Variants in EPHX4 observed in about 807,000 individuals in gnomAD.
EPHX4 encodes epoxide hydrolase 4, also known as abhydrolase domain containing 7.
Under a neutral mutation model 44.9 loss-of-function variants are expected in EPHX4, and 31 were observed. The observed-to-expected ratio is 0.69, with a 90% confidence interval of 0.52 to 0.93. The LOEUF (loss-of-function observed/expected upper bound fraction) is 0.93. Among genes scored for constraint, EPHX4 ranks in the 40% least tolerant of loss-of-function variants. EPHX4 has a pLI of 0.00. For synonymous variants in EPHX4, 151 were observed against 159.7 expected, an observed-to-expected ratio of 0.95 and a Z score of 0.41; for missense variants, 373 against 438.1, an observed-to-expected ratio of 0.85 and a Z score of 1.33.
chr1:92,031,478 C>T (rs1054669049), intron 1 of EPHX4, among the ~76,000 whole-genome samples: 1 of 152,178 alleles, frequency 6.6e-6, no homozygotes, highest in Non-Finnish European at 1.5e-5. Context: ...AGAGCTTCCC[C>T]AGAGACAGAG....
chr1:92,057,360 A>G (rs1647391128), intron 6 of EPHX4, among the ~76,000 whole-genome samples: 1 of 152,170 alleles, frequency 6.6e-6, no homozygotes, highest in Admixed American at 6.5e-5. Flanking sequence ...AAAAAAAATA[A>G]CTATTAATAC....
At chr1:92,040,433 C>A (rs927618241) in intron 2 of EPHX4, among the ~76,000 whole-genome samples, 1 of 151,616 alleles carries the variant, frequency 6.6e-6, no homozygotes, top group African/African-American at 2.4e-5. Context: ...CAACCTCCGC[C>A]GCTTGCCTCA....
intron 4 of EPHX4, among the ~76,000 whole-genome samples, chr1:92,049,194 A>G (rs993671987): frequency 5.3e-5 from 8 of 152,104 alleles, no homozygotes; most frequent in Non-Finnish European, 1.5e-5. Flanking sequence ...ATACACCAGC[A>G]ACAAAGGCCT....
rs2101871328 is a variant in EPHX4 at position 92,046,732 on chromosome 1, G to A, written c.604+1072G>A. Among the ~76,000 whole-genome samples, 4 of 152,318 alleles carry A rather than the reference G, an allele frequency of 2.6e-5. 1 individual carries two copies. The highest frequency in any genetic ancestry group is 9.6e-5 in the African/African-American group (4 of 41,570). On this transcript the variant is annotated intron_variant, in intron 4 of 6. Transcript: ENST00000370383. The stretch of plus-strand genomic sequence containing the variant: ...CCGCCTCAGCCTCCTAAAGTGCTGG[G>A]ATTACAGGCGTGAGCCACCGCGCCC...
intron 6 of EPHX4, among the ~76,000 whole-genome samples, chr1:92,057,898 G>A (rs75262364): frequency 0.042 from 6,444 of 152,038 alleles, 167 homozygotes; most frequent in African/African-American, 0.071. Flanking sequence ...ACCGGCACCC[G>A]GCCTACAGGT....
chr1:92,039,720 C>G (rs1688484000), intron 2 of EPHX4, among the ~76,000 whole-genome samples: 1 of 152,140 alleles, frequency 6.6e-6, no homozygotes. Flanking sequence ...GTGACTCGAT[C>G]TCGGCTCACT....
At chr1:92,045,890 G>C (rs1688574658) in intron 4 of EPHX4, among the ~76,000 whole-genome samples, 1 of 152,106 alleles carries the variant, frequency 6.6e-6, no homozygotes, top group South Asian at 2.1e-4. Flanking sequence ...TTCAAAAAAA[G>C]ATTTTACTGT....
At chr1:92,057,304 A>G (rs1218422508) in intron 6 of EPHX4, among the ~76,000 whole-genome samples, 1 of 152,156 alleles carries the variant, frequency 6.6e-6, no homozygotes, top group Non-Finnish European at 1.5e-5. Context: ...ATGGTTAAGA[A>G]AAAACAGAAG....
At chr1:92,038,777 A>T (rs1170294633) in intron 2 of EPHX4, among the ~76,000 whole-genome samples, 1 of 152,216 alleles carries the variant, frequency 6.6e-6, no homozygotes, top group African/African-American at 2.4e-5. Flanking sequence ...AGGAAACCAT[A>T]TGAAGAAAGT....
At chr1:92,036,462 T>C (rs1571421) in intron 2 of EPHX4, among the ~76,000 whole-genome samples, 77,648 of 151,990 alleles carry the variant, frequency 0.51, 20,373 homozygotes, top group African/African-American at 0.65. Flanking sequence ...GGTCCCTGGA[T>C]ATCATTCCCA....
At chr1:92,052,215 G>C (rs1234555588) in intron 5 of EPHX4, among the ~76,000 whole-genome samples, 1 of 152,140 alleles carries the variant, frequency 6.6e-6, no homozygotes, top group African/African-American at 2.4e-5. Flanking sequence ...ATTTATCCAA[G>C]GAACTCTTGA....
chr1:92,063,454 A>G lies in EPHX4; in HGVS notation c.*168A>G, dbSNP rs890193584. Reference sequence around the variant, plus strand: ...GAAAAAAATCTGAGATCATGTGAACATATAATACAATGTTGATTTTCTTCT... The same window carrying G: ...GAAAAAAATCTGAGATCATGTGAACGTATAATACAATGTTGATTTTCTTCT... On this transcript the variant is annotated 3_prime_UTR_variant, in exon 7 of 7. Transcript: ENST00000370383. 4.1e-5 allele frequency: 22 copies of G among 531,934 alleles called. No individual in the cohort carries two copies. The highest frequency in any genetic ancestry group is 6.8e-5 in the Non-Finnish European group (21 of 306,690). 33.0% of individuals were successfully genotyped at this position (531,934 alleles called of 1,614,324 possible). A position where few individuals can be genotyped will look rare whatever the true frequency, so the allele number is the denominator to read the frequency against.
intron 2 of EPHX4, among the ~76,000 whole-genome samples, chr1:92,034,791 A>G (rs1442037472): frequency 1.3e-5 from 2 of 151,794 alleles, no homozygotes; most frequent in Admixed American, 6.6e-5. Flanking sequence ...ACAAGTGCGC[A>G]CCACACCCAG....
intron 2 of EPHX4, among the ~76,000 whole-genome samples, chr1:92,036,996 A>G (rs1688447112): frequency 6.6e-6 from 1 of 152,246 alleles, no homozygotes; most frequent in African/African-American, 2.4e-5. Flanking sequence ...ATTTAGGACA[A>G]AACTCTAGGG....
chr1:92,040,321 A>G (rs1004942215), intron 2 of EPHX4, among the ~76,000 whole-genome samples: 1 of 150,004 alleles, frequency 6.7e-6, no homozygotes, highest in Admixed American at 6.7e-5. Context: ...GACCACAGGC[A>G]CACGACACCA....
chr1:92,035,137 G>A (rs1220081401), intron 2 of EPHX4, among the ~76,000 whole-genome samples: 1 of 152,060 alleles, frequency 6.6e-6, no homozygotes, highest in East Asian at 1.9e-4. Flanking sequence ...TCCCCTTCTG[G>A]ATTTATGTGC....
At chr1:92,045,441 G>T in intron 3 of EPHX4, 91 bp from the exon 4 acceptor site, 2 of 1,463,558 alleles carry the variant, frequency 1.4e-6, no homozygotes, top group Non-Finnish European at 1.9e-6. Context: ...AATGAAAAGA[G>T]GTACTTCAGA....
At chr1:92,039,202 G>A (rs964615251) in intron 2 of EPHX4, among the ~76,000 whole-genome samples, 1 of 152,066 alleles carries the variant, frequency 6.6e-6, no homozygotes, top group African/African-American at 2.4e-5. Context: ...CATGTTATGG[G>A]TAATAGGGAG....
chr1:92,049,978 A>T (rs772730981), intron 4 of EPHX4, among the ~76,000 whole-genome samples: 16 of 151,940 alleles, frequency 1.1e-4, no homozygotes, highest in Non-Finnish European at 1.5e-4. Context: ...GGGCACCTGT[A>T]ATCCTAGCTA....
Sources: allele counts gnomAD v4.1 joint callset (sites outside exome capture counted in the v4.1 genomes callset), GRCh38; gene constraint gnomAD v4.1.1; transcripts MANE v1.5; gene names NCBI Gene and HGNC (gene_info 2026-07-23, HGNC 2026-07-21).